ANK3: variants seen among roughly 807,000 people sequenced by gnomAD.
ANK3 encodes ankyrin 3, also known as ankyrin-3.
Under a neutral mutation model 370.9 loss-of-function variants are expected in ANK3, and 57 were observed. The observed-to-expected ratio is 0.15, with a 90% CI of 0.12 to 0.19. ANK3 has a LOEUF of 0.19. Ranked by LOEUF, ANK3 falls within the 10% of genes least tolerant of loss-of-function variation. The pLI, the probability that ANK3 is intolerant of heterozygous loss-of-function variation, is 1.00. For synonymous variants in ANK3, 1,929 were observed against 1,946.3 expected, an observed-to-expected ratio of 0.99 and a Z score of 0.23; for missense variants, 4,439 against 5,302.1, an observed-to-expected ratio of 0.84 and a Z score of 5.06.
At chr10:60,431,904 C>G (rs1311650628) in intron 2 of ANK3, among the ~76,000 whole-genome samples, 1 of 152,176 alleles carries the variant, frequency 6.6e-6, no homozygotes, top group Non-Finnish European at 1.5e-5. Flanking sequence ...CTGACTCATT[C>G]CTTTCCATCT....
In ANK3 at chr10:60,080,594, T is replaced by A. The variant is rs750211703; in HGVS notation, c.4375A>T (p.Ser1459Cys). Residue 1459 changes from serine to cysteine, a missense_variant, in exon 36 of 44, where the codon AGC becomes TGC. Around this residue, in one of 13 missense-constraint regions of ANK3, gnomAD observed 679 missense variants for 791.0 expected, o/e 0.86. Coordinates refer to ENST00000280772, the MANE Select transcript of ANK3 (RefSeq NM_020987.5). ...DEIEKTDRRQ[S>C]FASLALRKRY... is the part of the protein sequence containing the mutation. ...TTACGTAAAGCTAAGGATGCGAAGC[T>A]CTGTCGTCTATCTGTTTTCTCAATC... is the stretch of plus-strand genomic sequence containing the variant. The A allele has an allele frequency of 6.2e-7, 1 of 1,602,330 alleles. No homozygotes were observed. Among genetic ancestry groups the A allele is most frequent in the Non-Finnish European group, 8.5e-7 (1 of 1,177,260 alleles).
intron 1 of ANK3, among the ~76,000 whole-genome samples, chr10:60,683,770 A>T (rs983965501): frequency 6.6e-6 from 1 of 152,104 alleles, no homozygotes; most frequent in Non-Finnish European, 1.5e-5. Flanking sequence ...CCGAGCCAGA[A>T]CTACACCCAG....
intron 1 of ANK3, among the ~76,000 whole-genome samples, chr10:60,671,173 AT>A (rs1296985915): frequency 6.6e-6 from 1 of 152,160 alleles, no homozygotes; most frequent in Non-Finnish European, 1.5e-5. Flanking sequence ...TTGCATTTGT[AT>A]TAACAATCCA....
At chr10:60,571,879 G>A (rs532502260) in intron 2 of ANK3, among the ~76,000 whole-genome samples, 67 of 152,138 alleles carry the variant, frequency 4.4e-4, no homozygotes, top group African/African-American at 1.5e-3. Flanking sequence ...AATTTACATG[G>A]AAAACAAAAT....
At chr10:60,153,138 AAATG>A (rs1234840542) in intron 23 of ANK3, among the ~76,000 whole-genome samples, 2 of 152,244 alleles carry the variant, frequency 1.3e-5, no homozygotes, top group Non-Finnish European at 2.9e-5. Context: ...ATAGAAATGA[AAATG>A]AATGAAGTTC....
chr10:60,212,141 C>T (rs2132454901), intron 9 of ANK3, among the ~76,000 whole-genome samples: 1 of 152,010 alleles, frequency 6.6e-6, no homozygotes, highest in African/African-American at 2.4e-5. Context: ...AAATCCAAAG[C>T]AATGAGATGA....
chr10:60,594,833 T>C (rs2133297400), intron 2 of ANK3, among the ~76,000 whole-genome samples: 1 of 152,258 alleles, frequency 6.6e-6, no homozygotes, highest in Non-Finnish European at 1.5e-5. Flanking sequence ...CAAGGGTTAG[T>C]CCTGCTGGTT....
At chr10:60,168,886 T>C (rs1334837713) in intron 21 of ANK3, among the ~76,000 whole-genome samples, 1 of 152,244 alleles carries the variant, frequency 6.6e-6, no homozygotes, top group East Asian at 1.9e-4. Flanking sequence ...ATTCCTTTTT[T>C]ATGACTGCAC....
chr10:60,653,157 C>A (rs985883460), intron 1 of ANK3, among the ~76,000 whole-genome samples: 5 of 152,062 alleles, frequency 3.3e-5, no homozygotes, highest in Admixed American at 2.6e-4. Context: ...CCTGAGAGTA[C>A]CCACTTGACG....
At chr10:60,416,308 T>C (rs1286247615) in intron 2 of ANK3, among the ~76,000 whole-genome samples, 1 of 152,190 alleles carries the variant, frequency 6.6e-6, no homozygotes, top group Non-Finnish European at 1.5e-5. Flanking sequence ...ACAACTATTG[T>C]TACATGGAAC....
In ANK3 at chr10:60,074,236, C is replaced by T. The variant is rs766875443; in HGVS notation, c.6645G>A (p.Lys2215=). ...PKPTTSSIKE[K]VKAFQMKASS... is the part of the protein sequence containing the mutation. ...TGGCTTTCATTTGAAATGCTTTAACCTTTTCTTTAATACTAGAGGTGGTGG... is the reference window on the plus strand; with the variant it reads ...TGGCTTTCATTTGAAATGCTTTAACTTTTTCTTTAATACTAGAGGTGGTGG... The change falls in exon 37 of 44, where the codon AAG becomes AAA. Residue 2215 remains lysine (K), a synonymous_variant. Coordinates refer to ENST00000280772, the MANE Select transcript of ANK3 (RefSeq NM_020987.5). The T allele has an allele frequency of 6.2e-7, 1 of 1,614,062 alleles. No homozygotes were observed. The highest frequency in any genetic ancestry group is 1.3e-5 in the African/African-American group (1 of 75,032).
At chr10:60,249,288 T>C (rs1275055624) in intron 7 of ANK3, among the ~76,000 whole-genome samples, 2 of 152,198 alleles carry the variant, frequency 1.3e-5, no homozygotes, top group Admixed American at 6.5e-5. Context: ...CTAATGATAT[T>C]AGATTTCCTG....
At chr10:60,306,940 G>A (rs990448933) in intron 1 of ANK3, among the ~76,000 whole-genome samples, 3 of 152,076 alleles carry the variant, frequency 2.0e-5, no homozygotes, top group Non-Finnish European at 4.4e-5. Flanking sequence ...ATGTTGCCTA[G>A]ACTGGTCTCA....
chr10:60,285,902 T>C (rs2132728924), intron 1 of ANK3, among the ~76,000 whole-genome samples: 1 of 152,322 alleles, frequency 6.6e-6, no homozygotes, highest in Admixed American at 6.5e-5. Context: ...GCAATCTTGG[T>C]GTAACTCTCT....
rs2092928683 is a variant in ANK3 at position 60,114,278 on chromosome 10, C to A, written c.2895G>T (p.Trp965Cys). 1.2e-6 allele frequency: 2 copies of A among 1,608,862 alleles called. No individual in the cohort carries two copies. The highest frequency in any genetic ancestry group is 2.2e-5 in the South Asian group (2 of 90,200). ...FDSDSLRHYS[W>C]AADTLDNVNL... is the part of the protein sequence containing the mutation. ...TGACATTGTCTAAGGTGTCTGCAGC[C>A]CAGCTGTAATGTCTAAGAGAATCTG... Residue 965 changes from tryptophan (W) to cysteine (C), a missense_variant, in exon 26 of 44, where the codon TGG becomes TGT. Trp to Cys is a radical substitution (Grantham distance 215, BLOSUM62 -2). Around this residue, in one of 13 missense-constraint regions of ANK3, gnomAD observed 702 missense variants for 941.5 expected, o/e 0.75. Transcript: ENST00000280772.
At chr10:60,596,703 A>G (rs1250067270) in intron 2 of ANK3, among the ~76,000 whole-genome samples, 3 of 152,184 alleles carry the variant, frequency 2.0e-5, no homozygotes, top group Non-Finnish European at 2.9e-5. Context: ...TTACAAGAAG[A>G]CTACTTAAAT....
intron 2 of ANK3, among the ~76,000 whole-genome samples, chr10:60,614,435 A>G (rs1444672370): frequency 6.6e-6 from 1 of 152,220 alleles, no homozygotes; most frequent in Non-Finnish European, 1.5e-5. Context: ...CTATATGAAG[A>G]AAATGAAGCA....
chr10:60,166,963 T>A, intron 21 of ANK3, 67 bp from the exon 22 acceptor site: 1 of 1,294,632 alleles, frequency 7.7e-7, no homozygotes, highest in Admixed American at 1.7e-5. Context: ...TTTTCATTTA[T>A]CTCTGAATTA....
intron 1 of ANK3, among the ~76,000 whole-genome samples, chr10:60,622,294 G>T (rs2078348131): frequency 6.6e-6 from 1 of 151,942 alleles, no homozygotes. Flanking sequence ...GCCCAGGCTG[G>T]AGTGCAGCAG....
Sources: allele counts gnomAD v4.1 joint callset (sites outside exome capture counted in the v4.1 genomes callset), GRCh38; gene constraint gnomAD v4.1.1; regional missense constraint gnomAD v4.1.1; transcripts MANE v1.5; gene names NCBI Gene and HGNC (gene_info 2026-07-23, HGNC 2026-07-21).